RNF138: variants seen among roughly 807,000 people sequenced by gnomAD.
RNF138 encodes E3 ubiquitin-protein ligase RNF138.
RNF138 carries 12 observed loss-of-function variants against 31.0 expected under a neutral mutation model. The ratio of observed to expected loss-of-function variants is 0.39; its 90% CI spans 0.25 to 0.63. The LOEUF (loss-of-function observed/expected upper bound fraction) is 0.63. RNF138 is among the 20% of genes least tolerant of loss of function. The pLI is 0.52. For synonymous variants in RNF138, 105 were observed against 99.5 expected (o/e 1.06, Z -0.33); for missense variants, 192 against 300.1 (o/e 0.64, Z 2.66).
chr18:32,120,340 G>A (rs1243640856), intron 4 of RNF138, among the ~76,000 whole-genome samples: 2 of 152,026 alleles, frequency 1.3e-5, no homozygotes, highest in Non-Finnish European at 2.9e-5. Flanking sequence ...TCTGATATCT[G>A]GAGTCTAGGC....
At chr18:32,118,631 C>T (rs2040254221) in intron 4 of RNF138, among the ~76,000 whole-genome samples, 1 of 151,914 alleles carries the variant, frequency 6.6e-6, no homozygotes, top group African/African-American at 2.4e-5. Flanking sequence ...AAGTTCGAGA[C>T]CAGCCTGGCC....
At chr18:32,107,666 G>C (rs1224348059) in intron 2 of RNF138, among the ~76,000 whole-genome samples, 2 of 151,256 alleles carry the variant, frequency 1.3e-5, no homozygotes, top group African/African-American at 4.9e-5. Flanking sequence ...GATTACAGGC[G>C]TGTGCCACCA....
At chr18:32,093,678 G>A (rs556049640) in intron 2 of RNF138, among the ~76,000 whole-genome samples, 1 of 152,328 alleles carries the variant, frequency 6.6e-6, no homozygotes, top group East Asian at 1.9e-4. Flanking sequence ...GCTACCCAGG[G>A]TGGGGGAGAA....
At chr18:32,107,227 TCTC>T (rs561513184) in intron 2 of RNF138, among the ~76,000 whole-genome samples, 59 of 148,692 alleles carry the variant, frequency 4.0e-4, no homozygotes, top group Middle Eastern at 3.5e-3. Flanking sequence ...TTTAAGCAGT[TCTC>T]CTGCCTCAGC....
chr18:32,120,892 C>T (rs112890433), intron 4 of RNF138, among the ~76,000 whole-genome samples: 4,324 of 152,128 alleles, frequency 0.028, 220 homozygotes, highest in African/African-American at 0.099. Flanking sequence ...GTCTGTAATC[C>T]CTGTACTTTG....
chr18:32,099,488 C>G (rs1018504433), intron 2 of RNF138, among the ~76,000 whole-genome samples: 1 of 152,146 alleles, frequency 6.6e-6, no homozygotes, highest in African/African-American at 2.4e-5. Flanking sequence ...CCGCAACCTC[C>G]ACCCATTGGG....
chr18:32,121,877 C>T (rs958032889), intron 4 of RNF138, among the ~76,000 whole-genome samples: 2 of 151,764 alleles, frequency 1.3e-5, no homozygotes, highest in East Asian at 3.9e-4. Context: ...AGGTTATGTA[C>T]TTTTTTTTCA....
intron 2 of RNF138, among the ~76,000 whole-genome samples, chr18:32,110,185 G>T (rs2040103122): frequency 6.6e-6 from 1 of 152,042 alleles, no homozygotes; most frequent in Non-Finnish European, 1.5e-5. Flanking sequence ...TAGAGACAGG[G>T]TCTTGCTATG....
intron 4 of RNF138, among the ~76,000 whole-genome samples, chr18:32,118,048 C>T (rs1385259608): frequency 6.6e-6 from 1 of 152,032 alleles, no homozygotes; most frequent in Non-Finnish European, 1.5e-5. Context: ...TCAGTAGGCT[C>T]ATACAGTTTA....
At position 32,123,559 on chromosome 18, in the gene RNF138, A is replaced by G; in HGVS notation, c.434A>G (p.Tyr145Cys). The G allele has an allele frequency of 6.3e-7, 1 of 1,592,716 alleles. No homozygotes were observed. Among genetic ancestry groups the G allele is most frequent in the Non-Finnish European group, 8.5e-7 (1 of 1,170,718 alleles). The part of the protein sequence containing the change: ...ETSTSDNTET[Y>C]QENTSSSGHP... ...TCCACATCTGATAACACAGAAACTT[A>G]CCAAGAGAATACAAGGTAAGCTTTT... The change falls in exon 5 of 8, where the codon TAC (tyrosine) becomes TGC (cysteine). Residue 145 changes from tyrosine to cysteine, a missense_variant. Around this residue, in one of 2 missense-constraint regions of RNF138, gnomAD observed 140 missense variants for 251.7 expected, o/e 0.56. Transcript: ENST00000261593.
chr18:32,127,837 T>G (rs1049828813), intron 7 of RNF138, among the ~76,000 whole-genome samples: 1 of 152,124 alleles, frequency 6.6e-6, no homozygotes, highest in African/African-American at 2.4e-5. Context: ...TCCCAGCACT[T>G]TGGGAGGCCG....
At position 32,116,699 on chromosome 18, in the gene RNF138, A is replaced by T. The variant is rs2040221879; in HGVS notation, c.392+2839A>T. 3.3e-5 allele frequency among the ~76,000 whole-genome samples: 5 copies of T among 151,668 alleles called. No homozygotes were observed. In the South Asian group the frequency reaches 1.0e-3, roughly 32 times the overall value. On this transcript the variant is annotated intron_variant, in intron 4 of 7. Coordinates refer to ENST00000261593, the MANE Select transcript of RNF138 (RefSeq NM_016271.5). ...CCCATGTAGCTAGGACCATGGGCGC[A>T]TGCCACCACATCCATCTAATTTTTT...
chr18:32,104,390 T>G (rs2039994672), intron 2 of RNF138, among the ~76,000 whole-genome samples: 1 of 152,164 alleles, frequency 6.6e-6, no homozygotes, highest in South Asian at 2.1e-4. Context: ...TTGTAAGCTT[T>G]AGGTGCTTTT....
intron 2 of RNF138, among the ~76,000 whole-genome samples, chr18:32,109,990 T>C (rs141287170): frequency 2.4e-3 from 369 of 152,292 alleles, no homozygotes; most frequent in Middle Eastern, 6.8e-3. Context: ...ATATTTTTAA[T>C]TGTTATTGTT....
chr18:32,126,060 A>G (rs899999664), intron 6 of RNF138, among the ~76,000 whole-genome samples: 1 of 152,174 alleles, frequency 6.6e-6, no homozygotes, highest in Non-Finnish European at 1.5e-5. Flanking sequence ...GTGTTATTTC[A>G]GTTATTTATC....
In RNF138 at chr18:32,117,505, G is replaced by GA. The variant is rs200397562; in HGVS notation, c.392+3654dup. Reference sequence around the variant, plus strand: ...AGTGGCATTTGCATGCAACTGAGTAGAAAAAAAAATTGCAAAATAAATCCA... The same window carrying GA: ...AGTGGCATTTGCATGCAACTGAGTAGAAAAAAAAAATTGCAAAATAAATCCA... On this transcript the variant is annotated intron_variant, in intron 4 of 7. Coordinates refer to ENST00000261593, the MANE Select transcript of RNF138 (RefSeq NM_016271.5). Among the ~76,000 whole-genome samples the GA allele has an allele frequency of 9.7e-3, 1,472 of 151,184 alleles. 24 individuals carry two copies. The highest frequency in any genetic ancestry group is 0.033 in the African/African-American group (1,381 of 41,278).
At chr18:32,114,053 G>T in intron 4 of RNF138, 193 bp downstream of exon 4, 1 of 382,298 alleles carries the variant, frequency 2.6e-6, no homozygotes, top group Admixed American at 4.6e-5. Context: ...TCTCATCTGG[G>T]AGATGACTTC....
chr18:32,117,331 G>A (rs1169764261), intron 4 of RNF138, among the ~76,000 whole-genome samples: 1 of 152,142 alleles, frequency 6.6e-6, no homozygotes, highest in Non-Finnish European at 1.5e-5. Context: ...TCAAAGAGTA[G>A]TATGTTAGGT....
At chr18:32,114,096 C>CT (rs1163853914) in intron 4 of RNF138, among the ~76,000 whole-genome samples, 1 of 152,108 alleles carries the variant, frequency 6.6e-6, no homozygotes, top group East Asian at 1.9e-4. Flanking sequence ...TAAAATCATT[C>CT]TAAGAATTTT....
Sources: allele counts gnomAD v4.1 joint callset (sites outside exome capture counted in the v4.1 genomes callset), GRCh38; gene constraint gnomAD v4.1.1; regional missense constraint gnomAD v4.1.1; transcripts MANE v1.5; gene names NCBI Gene and HGNC (gene_info 2026-07-23, HGNC 2026-07-21).